PTPN11: variants seen among roughly 807,000 people sequenced by gnomAD.
PTPN11 encodes protein tyrosine phosphatase non-receptor type 11.
In PTPN11, 6 loss-of-function variants were observed where a neutral mutation model predicts 78.8. That is an observed-to-expected ratio of 0.08 (90% CI 0.04 to 0.15). The LOEUF is 0.15. Among genes scored for constraint, PTPN11 ranks in the 10% least tolerant of loss-of-function variants. The probability of loss-of-function intolerance (pLI) is 1.00; values close to 1 mark genes in which losing one functional copy is unlikely to be tolerated. For synonymous variants in PTPN11, 221 were observed against 263.5 expected, an observed-to-expected ratio of 0.84 and a Z score of 1.56; for missense variants, 386 against 744.8, an observed-to-expected ratio of 0.52 and a Z score of 5.61.
rs544242353 is a variant in PTPN11, at chr12:112,425,943, C to T, written c.14+6818C>T. ...TGAGGTCGGAACTCCTGGGCTCAAG[C>T]GATTCTCCCCAAGTGCTGGGGTTAC... On this transcript the variant is annotated intron_variant, in intron 1 of 15. Coordinates refer to ENST00000351677, the MANE Select transcript of PTPN11 (RefSeq NM_002834.5). Among the ~76,000 whole-genome samples, 14 of 152,180 alleles carry T rather than the reference C, an allele frequency of 9.2e-5. 1 individual carries two copies. Among genetic ancestry groups the T allele is most frequent in the Admixed American group, 4.6e-4 (7 of 15,258 alleles).
chr12:112,434,327 T>C (rs746135287), intron 1 of PTPN11, among the ~76,000 whole-genome samples: 5 of 151,592 alleles, frequency 3.3e-5, no homozygotes, highest in East Asian at 1.9e-4. Context: ...TAAAGATCTT[T>C]GGCTGGGCGC....
chr12:112,474,674 G>A (rs2135897169), intron 7 of PTPN11, among the ~76,000 whole-genome samples: 1 of 152,112 alleles, frequency 6.6e-6, no homozygotes, highest in East Asian at 1.9e-4. Flanking sequence ...GAGTGCAGTG[G>A]CATGATCATG....
At chr12:112,489,530 C>T (rs966840316) in intron 13 of PTPN11, among the ~76,000 whole-genome samples, 1 of 152,172 alleles carries the variant, frequency 6.6e-6, no homozygotes, top group African/African-American at 2.4e-5. Context: ...CATGTTTATC[C>T]TGATTCCATC....
At chr12:112,451,342 A>G (rs2038076540) in intron 3 of PTPN11, among the ~76,000 whole-genome samples, 1 of 152,214 alleles carries the variant, frequency 6.6e-6, no homozygotes, top group Non-Finnish European at 1.5e-5. Flanking sequence ...TTGAGTATGG[A>G]TGAAGAATAA....
chr12:112,504,819 T>C lies in PTPN11; in HGVS notation c.*32+23T>C. 1 of 1,373,648 alleles carries C rather than the reference T, an allele frequency of 7.3e-7. No individual in the cohort carries two copies. The highest frequency in any genetic ancestry group is 1.0e-6 in the Non-Finnish European group (1 of 967,240). The allele number at this position is 1,373,648 out of a possible 1,614,324, so 85.1% of individuals were successfully genotyped here. A position where few individuals can be genotyped will look rare whatever the true frequency, so the allele number is the denominator to read the frequency against. On this transcript the variant is annotated intron_variant, in intron 15 of 15. Transcript: ENST00000351677. The surrounding 1 kb of genome is among the most constrained non-coding windows in gnomAD (Gnocchi z 4.7). ...TAGGTATTTAAATGCAAGTGCTCTATTGGTTAATTGTTTATATAATTGGCA... is the reference window on the plus strand; with the variant it reads ...TAGGTATTTAAATGCAAGTGCTCTACTGGTTAATTGTTTATATAATTGGCA...
At chr12:112,424,800 A>G (rs1390002203) in intron 1 of PTPN11, among the ~76,000 whole-genome samples, 1 of 151,800 alleles carries the variant, frequency 6.6e-6, no homozygotes, top group African/African-American at 2.4e-5. Flanking sequence ...TCCCAGGCTC[A>G]AGCATTCTCC....
At chr12:112,430,813 G>C (rs2037701853) in intron 1 of PTPN11, among the ~76,000 whole-genome samples, 1 of 151,880 alleles carries the variant, frequency 6.6e-6, no homozygotes, top group African/African-American at 2.4e-5. Flanking sequence ...TCAACATTTG[G>C]TGTTTCCAAA....
rs768528913 is a variant in PTPN11 at position 112,486,638 on chromosome 12, T to A, written c.1379+9T>A. 3 of 1,611,998 alleles carry A rather than the reference T, an allele frequency of 1.9e-6. No homozygotes were observed. The African/African-American group carries it at 4.0e-5, about 22-fold the overall frequency. On this transcript the variant is annotated intron_variant, in intron 11 of 15. Coordinates refer to ENST00000351677, the MANE Select transcript of PTPN11 (RefSeq NM_002834.5). ...GTCGTGGTGCACTGCAGGTGACAGC[T>A]CCTGCTGCCCCTCTAGGCCACAGCC...
At chr12:112,474,648 TC>T (rs2038471148) in intron 7 of PTPN11, among the ~76,000 whole-genome samples, 1 of 151,880 alleles carries the variant, frequency 6.6e-6, no homozygotes, top group African/African-American at 2.4e-5. Context: ...AGGGTCTTAC[TC>T]TGTTGCCCAG....
chr12:112,450,255 C>A, intron 2 of PTPN11, 63 bp from the exon 3 acceptor site: 2 of 1,438,122 alleles, frequency 1.4e-6, no homozygotes, highest in South Asian at 2.3e-5. Context: ...AAGATGAGAT[C>A]TGATTTTACT....
At chr12:112,453,925 G>A (rs572614798) in intron 4 of PTPN11, among the ~76,000 whole-genome samples, 2 of 152,028 alleles carry the variant, frequency 1.3e-5, no homozygotes, top group East Asian at 3.9e-4. Flanking sequence ...TAGGATTACA[G>A]ATGTGAACTA....
intron 6 of PTPN11, among the ~76,000 whole-genome samples, chr12:112,468,422 A>G (rs919152569): frequency 6.6e-6 from 1 of 152,192 alleles, no homozygotes; most frequent in Non-Finnish European, 1.5e-5. Context: ...TGGGCAGAGC[A>G]TGGAAAGTCA....
rs1048792631 is a variant in PTPN11, at chr12:112,502,394, G to T, written c.1712+138G>T. On this transcript the variant is annotated intron_variant, in intron 14 of 15. Transcript: ENST00000351677. Reference sequence around the variant, plus strand: ...ACGTTCCTGTTGCCCTACTGTTAGTGTATCTGTGACTGGTGATATCTATTG... The same window carrying T: ...ACGTTCCTGTTGCCCTACTGTTAGTTTATCTGTGACTGGTGATATCTATTG... 19 of 767,300 alleles carry T rather than the reference G, an allele frequency of 2.5e-5. No homozygotes were observed. In the East Asian group the frequency reaches 4.8e-4, roughly 19 times the overall value. The allele number at this position is 767,300 out of a possible 1,614,324, so 47.5% of individuals were successfully genotyped here. A position where few individuals can be genotyped will look rare whatever the true frequency, so the allele number is the denominator to read the frequency against.
chr12:112,471,704 T>C (rs2038420721), intron 6 of PTPN11, among the ~76,000 whole-genome samples: 1 of 150,450 alleles, frequency 6.6e-6, no homozygotes, highest in African/African-American at 2.4e-5. Flanking sequence ...TTCATAATCC[T>C]GCTACCCTGG....
chr12:112,440,345 C>T (rs2037866563), intron 1 of PTPN11, among the ~76,000 whole-genome samples: 1 of 151,956 alleles, frequency 6.6e-6, no homozygotes, highest in South Asian at 2.1e-4. Flanking sequence ...ATGATCTCGG[C>T]TCACTGCAAG....
rs1217418640 is a variant in PTPN11, at chr12:112,507,470, C to G, written c.*1678C>G. ...CCACAGTGAGAAGGAACAGCCCTAA[C>G]AGGCCTCCAGCCAGGTTGAATGAGC... is the stretch of plus-strand genomic sequence containing the variant. On this transcript the variant is annotated 3_prime_UTR_variant, in exon 16 of 16. Coordinates refer to ENST00000351677, the MANE Select transcript of PTPN11 (RefSeq NM_002834.5). The G allele has an allele frequency of 6.5e-6, 1 of 152,808 alleles. No homozygotes were observed. Among genetic ancestry groups the G allele is most frequent in the Non-Finnish European group, 1.5e-5 (1 of 68,076 alleles). 9.5% of individuals were successfully genotyped at this position (152,808 alleles called of 1,614,324 possible).
chr12:112,427,177 T>C (rs1253697531), intron 1 of PTPN11, among the ~76,000 whole-genome samples: 3 of 151,386 alleles, frequency 2.0e-5, no homozygotes. Context: ...ACCTGGAAGG[T>C]GGAGGTTGCA....
intron 13 of PTPN11, among the ~76,000 whole-genome samples, chr12:112,498,714 C>T (rs1370158501): frequency 1.3e-5 from 2 of 152,124 alleles, no homozygotes; most frequent in Admixed American, 6.6e-5. Context: ...ATTTTCTAGG[C>T]TTCAGAAACA....
At chr12:112,465,153 C>T (rs1227922831) in intron 6 of PTPN11, among the ~76,000 whole-genome samples, 8 of 152,066 alleles carry the variant, frequency 5.3e-5, no homozygotes, top group Admixed American at 3.3e-4. Context: ...GTGCTTGGGC[C>T]GGGCGTGGTG....
Sources: gnomAD v4.1 joint callset for allele counts (sites outside exome capture counted in the v4.1 genomes callset) on GRCh38, gnomAD v4.1.1 for gene constraint, Gnocchi (gnomAD v3.1) non-coding constraint, MANE v1.5 for transcripts, NCBI Gene and HGNC (gene_info 2026-07-23, HGNC 2026-07-21) for gene names.